The following CADM2 variants were observed in gnomAD, a reference collection of about 807,000 sequenced individuals.
CADM2 encodes the protein cell adhesion molecule 2.
CADM2 carries 12 observed loss-of-function variants against 49.8 expected under a neutral mutation model. That is an observed-to-expected ratio of 0.24 (90% CI 0.15 to 0.39). The LOEUF is 0.39. CADM2 is among the 10% of genes least tolerant of loss of function. The pLI is 1.00. For synonymous variants in CADM2, 214 were observed against 175.4 expected (o/e 1.22, Z -1.74); for missense variants, 378 against 492.3 (o/e 0.77, Z 2.20).
chr3:85,897,039 G>A (rs980085139), intron 5 of CADM2, among the ~76,000 whole-genome samples: 2 of 151,962 alleles, frequency 1.3e-5, no homozygotes, highest in Admixed American at 6.6e-5. Flanking sequence ...TGGGATTAGA[G>A]ACTAATAAGC....
intron 1 of CADM2, among the ~76,000 whole-genome samples, chr3:85,094,419 A>G (rs928973234): frequency 6.6e-6 from 1 of 152,122 alleles, no homozygotes; most frequent in Non-Finnish European, 1.5e-5. Flanking sequence ...ATATACATGC[A>G]TGCAGATATA....
rs59094520 is a variant in CADM2 at position 85,000,114 on chromosome 3, T to TTCTCTCTCTCTC, written c.61+40469_61+40480dup. Among the ~76,000 whole-genome samples the TTCTCTCTCTCTC allele has an allele frequency of 4.5e-3, 613 of 136,876 alleles. 3 individuals are homozygous for TTCTCTCTCTCTC. Among genetic ancestry groups the TTCTCTCTCTCTC allele is most frequent in the South Asian group, 8.6e-3 (36 of 4,194 alleles). The allele number at this position is 136,876 out of a possible 152,430, so 89.8% of individuals were successfully genotyped here. A position where few individuals can be genotyped will look rare whatever the true frequency, so the allele number is the denominator to read the frequency against. Reference sequence around the variant, plus strand: ...ATATAACATATAGGTTGCTTCTACTTTCTCTCTCTCTCTCTCTCTCTCTCT... The same window carrying TTCTCTCTCTCTC: ...ATATAACATATAGGTTGCTTCTACTTTCTCTCTCTCTCTCTCTCTCTCTCTCTCTCTCTCTCT... On this transcript the variant is annotated intron_variant, in intron 1 of 9. Coordinates refer to ENST00000383699, the MANE Select transcript of CADM2 (RefSeq NM_001167675.2).
At chr3:85,858,220 T>C (rs896050491) in intron 3 of CADM2, among the ~76,000 whole-genome samples, 2 of 152,240 alleles carry the variant, frequency 1.3e-5, no homozygotes. Flanking sequence ...TGCTAATGAA[T>C]AGGATCTCTG....
chr3:84,974,340 C>A (rs967496569), intron 1 of CADM2, among the ~76,000 whole-genome samples: 30 of 152,048 alleles, frequency 2.0e-4, no homozygotes, highest in African/African-American at 7.2e-4. Flanking sequence ...ATATAATCCA[C>A]AGTTAGAAAA....
At chr3:85,488,151 T>A (rs2039508102) in intron 1 of CADM2, among the ~76,000 whole-genome samples, 1 of 152,142 alleles carries the variant, frequency 6.6e-6, no homozygotes, top group Non-Finnish European at 1.5e-5. Context: ...GAGGAACCCC[T>A]CTTTCTTTTG....
intron 1 of CADM2, among the ~76,000 whole-genome samples, chr3:85,585,813 C>T (rs756233663): frequency 1.1e-4 from 17 of 151,862 alleles, no homozygotes; most frequent in Non-Finnish European, 2.5e-4. Flanking sequence ...GTTGTTTTAG[C>T]CAGCTGAGCC....
rs978784712 is a variant in CADM2 at position 84,975,416 on chromosome 3, G to A, written c.61+15748G>A. On this transcript the variant is annotated intron_variant, in intron 1 of 9. Transcript: ENST00000383699. The stretch of plus-strand genomic sequence containing the variant: ...TTCATCAAAAATCATCCGGTGTACT[G>A]TATAAGCAATTGTAAGTTACGTTTC... Among the ~76,000 whole-genome samples the A allele has an allele frequency of 5.3e-5, 8 of 151,660 alleles. No individual in the cohort carries two copies. In the East Asian group the frequency reaches 1.5e-3, roughly 29 times the overall value.
chr3:85,676,964 T>C (rs911357123), intron 1 of CADM2, among the ~76,000 whole-genome samples: 9 of 152,142 alleles, frequency 5.9e-5, no homozygotes, highest in African/African-American at 2.2e-4. Context: ...GTGCTAAACT[T>C]TCATATAGGT....
At chr3:85,276,004 A>G (rs939534926) in intron 1 of CADM2, among the ~76,000 whole-genome samples, 4 of 151,286 alleles carry the variant, frequency 2.6e-5, no homozygotes, top group Non-Finnish European at 5.9e-5. Context: ...TACTACTGTT[A>G]CTGTCACTTT....
chr3:85,984,796 A>G (rs1039955723), intron 8 of CADM2, among the ~76,000 whole-genome samples: 2 of 151,984 alleles, frequency 1.3e-5, no homozygotes, highest in African/African-American at 4.8e-5. Flanking sequence ...GTTGATTCAA[A>G]TATAGATTTA....
At chr3:85,408,010 C>CCAA (rs2035474143) in intron 1 of CADM2, among the ~76,000 whole-genome samples, 1 of 56,184 alleles carries the variant, frequency 1.8e-5, no homozygotes, top group Non-Finnish European at 3.2e-5. Flanking sequence ...AAAACAAAAC[C>CCAA]AAAAAAAAAA....
At chr3:85,575,277 C>A (rs774811597) in intron 1 of CADM2, among the ~76,000 whole-genome samples, 2 of 152,170 alleles carry the variant, frequency 1.3e-5, no homozygotes, top group African/African-American at 4.8e-5. Context: ...TTGGGCTGGG[C>A]GCAGTGGCTC....
intron 1 of CADM2, among the ~76,000 whole-genome samples, chr3:85,558,205 G>T (rs116526326): frequency 0.018 from 2,691 of 151,946 alleles, 75 homozygotes; most frequent in African/African-American, 0.062. Context: ...TGAATGTGAT[G>T]CTCATTAGAT....
chr3:85,174,798 T>C (rs746979544), intron 1 of CADM2, among the ~76,000 whole-genome samples: 2 of 152,086 alleles, frequency 1.3e-5, no homozygotes, highest in Non-Finnish European at 2.9e-5. Flanking sequence ...ATTGGCTTAT[T>C]AGAGGATAAT....
At chr3:86,036,829 G>T (rs1166728417) in intron 8 of CADM2, among the ~76,000 whole-genome samples, 3 of 152,090 alleles carry the variant, frequency 2.0e-5, no homozygotes, top group Admixed American at 6.5e-5. Flanking sequence ...GGTGATGGTG[G>T]TATGTGCCTG....
At chr3:85,278,155 AGAGT>A (rs1004848033) in intron 1 of CADM2, among the ~76,000 whole-genome samples, 20 of 151,222 alleles carry the variant, frequency 1.3e-4, no homozygotes, top group African/African-American at 4.6e-4. Flanking sequence ...TACATTTAGT[AGAGT>A]AAGTTAAAAA....
intron 7 of CADM2, among the ~76,000 whole-genome samples, chr3:85,946,932 C>CA (rs1220912713): frequency 6.6e-6 from 1 of 152,032 alleles, no homozygotes; most frequent in Admixed American, 6.6e-5. Context: ...CAGCAAAAGC[C>CA]AAAATTGATA....
intron 1 of CADM2, among the ~76,000 whole-genome samples, chr3:85,165,794 G>A (rs533909749): frequency 3.3e-5 from 5 of 151,820 alleles, no homozygotes; most frequent in South Asian, 2.1e-4. Context: ...TACAGTATTT[G>A]CCTCTTAGGA....
At chr3:85,925,452 G>T (rs1311460836) in intron 6 of CADM2, among the ~76,000 whole-genome samples, 1 of 152,146 alleles carries the variant, frequency 6.6e-6, no homozygotes. Context: ...AGAAATGTAA[G>T]TTAAATGGAA....
Sources: allele counts gnomAD v4.1 joint callset (sites outside exome capture counted in the v4.1 genomes callset), GRCh38; gene constraint gnomAD v4.1.1; transcripts MANE v1.5; gene names NCBI Gene and HGNC (gene_info 2026-07-23, HGNC 2026-07-21).